The following KAT2B variants were observed in gnomAD, a reference collection of about 807,000 sequenced individuals.
KAT2B encodes the protein lysine acetyltransferase 2B.
Under a neutral mutation model 105.9 loss-of-function variants are expected in KAT2B, and 36 were observed. That is an observed-to-expected ratio of 0.34 (90% CI 0.26 to 0.45). The LOEUF is 0.45. KAT2B is among the 20% of genes least tolerant of loss of function. KAT2B has a pLI of 1.00. For synonymous variants in KAT2B, 397 were observed against 377.9 expected (o/e 1.05, Z -0.59); for missense variants, 820 against 1,021.6 (o/e 0.80, Z 2.69).
chr3:20,120,205 G>C (rs1206519760), intron 8 of KAT2B, among the ~76,000 whole-genome samples: 2 of 150,276 alleles, frequency 1.3e-5, no homozygotes, highest in Non-Finnish European at 3.0e-5. Context: ...CATCACTTCT[G>C]CCACATTCTT....
intron 1 of KAT2B, among the ~76,000 whole-genome samples, chr3:20,062,404 T>A (rs1559514684): frequency 1.1e-5 from 1 of 91,606 alleles, no homozygotes; most frequent in African/African-American, 4.6e-5. Flanking sequence ...AAATTATATA[T>A]TATATATTAT....
chr3:20,112,913 G>T (rs1699146203), intron 6 of KAT2B, among the ~76,000 whole-genome samples: 1 of 152,186 alleles, frequency 6.6e-6, no homozygotes, highest in South Asian at 2.1e-4. Context: ...ATGGTTTTCT[G>T]ACAGAAATTG....
chr3:20,083,793 A>G (rs930087979), intron 2 of KAT2B, among the ~76,000 whole-genome samples: 3 of 152,166 alleles, frequency 2.0e-5, no homozygotes, highest in Non-Finnish European at 4.4e-5. Context: ...GGTAAAGGAC[A>G]CTAAAGGAAT....
chr3:20,147,924 A>C, intron 14 of KAT2B, 39 bp from the exon 15 acceptor site: 1 of 1,600,254 alleles, frequency 6.2e-7, no homozygotes, highest in Non-Finnish European at 8.5e-7. Context: ...CTTGACCAAA[A>C]GCACTTCTCA....
At chr3:20,130,134 C>T (rs1028151239) in intron 11 of KAT2B, among the ~76,000 whole-genome samples, 6 of 152,098 alleles carry the variant, frequency 3.9e-5, no homozygotes, top group African/African-American at 4.8e-5. Context: ...TGAGCCACCA[C>T]GCCCGGCCTC....
rs766616087 is a variant in KAT2B, at chr3:20,153,318, G to C, written c.*793G>C. The C allele has an allele frequency of 1.1e-4, 16 of 152,104 alleles. No individual in the cohort carries two copies. The highest frequency in any genetic ancestry group is 1.8e-4 in the Non-Finnish European group (12 of 67,966). 9.4% of individuals were successfully genotyped at this position (152,104 alleles called of 1,614,324 possible). ...AAAAGATAATTTCCCTGCCCACAAA[G>C]GCATAAACTTGAAAACACATGAGAT... On this transcript the variant is annotated 3_prime_UTR_variant, in exon 18 of 18. Transcript: ENST00000263754.
chr3:20,126,706 C>T (rs1272275098), intron 10 of KAT2B, among the ~76,000 whole-genome samples: 1 of 151,118 alleles, frequency 6.6e-6, no homozygotes, highest in Non-Finnish European at 1.5e-5. Context: ...CCTGTAATCA[C>T]GGCTACTTGG....
intron 3 of KAT2B, among the ~76,000 whole-genome samples, chr3:20,097,240 G>A (rs71316248): frequency 0.11 from 16,797 of 152,248 alleles, 1,177 homozygotes; most frequent in Admixed American, 0.16. Flanking sequence ...TGTTGGAAGT[G>A]AAGGTGGTGT....
chr3:20,151,337 C>T (rs1387885448), intron 17 of KAT2B, among the ~76,000 whole-genome samples: 3 of 152,160 alleles, frequency 2.0e-5, no homozygotes, highest in Admixed American at 2.0e-4. Flanking sequence ...CGTACATTTA[C>T]TTACCTTATT....
intron 2 of KAT2B, among the ~76,000 whole-genome samples, chr3:20,076,725 A>G (rs901727829): frequency 6.6e-6 from 1 of 152,160 alleles, no homozygotes; most frequent in Non-Finnish European, 1.5e-5. Flanking sequence ...TATCTTATTC[A>G]TGCAGATATC....
chr3:20,131,816 G>T (rs552653308), intron 11 of KAT2B, among the ~76,000 whole-genome samples: 2 of 152,146 alleles, frequency 1.3e-5, no homozygotes, highest in Admixed American at 1.3e-4. Context: ...CTCCCTCCTT[G>T]GCCCCCCAAA....
intron 1 of KAT2B, among the ~76,000 whole-genome samples, chr3:20,062,254 A>AAT (rs368794227): frequency 0.52 from 31,541 of 60,892 alleles, 8,487 homozygotes; most frequent in East Asian, 0.59. Flanking sequence ...TAATATATAA[A>AAT]ATATGATATA....
chr3:20,136,912 G>A (rs778693926), intron 11 of KAT2B, 30 bp from the exon 12 acceptor site: 1 of 1,208,392 alleles, frequency 8.3e-7, no homozygotes, highest in Non-Finnish European at 1.2e-6. Context: ...CCAGTCTAAT[G>A]TATTTGTTTG....
At chr3:20,124,745 G>C (rs1477325507) in intron 9 of KAT2B, among the ~76,000 whole-genome samples, 1 of 152,208 alleles carries the variant, frequency 6.6e-6, no homozygotes, top group Non-Finnish European at 1.5e-5. Flanking sequence ...ATTTTCAGGA[G>C]TTTTGTGAGC....
At chr3:20,064,122 T>C (rs1698185907) in intron 1 of KAT2B, among the ~76,000 whole-genome samples, 1 of 152,198 alleles carries the variant, frequency 6.6e-6, no homozygotes, top group Admixed American at 6.5e-5. Context: ...CCTTGTTACA[T>C]CCCACAAACA....
At chr3:20,090,127 T>G (rs1285932521) in intron 2 of KAT2B, among the ~76,000 whole-genome samples, 2 of 152,252 alleles carry the variant, frequency 1.3e-5, no homozygotes, top group African/African-American at 4.8e-5. Context: ...GTTTTCTGTT[T>G]ATAAAATTAT....
chr3:20,127,431 A>C lies in KAT2B; in HGVS notation c.1631A>C (p.Lys544Thr). The change falls in exon 11 of 18, where the codon AAA (lysine) becomes ACA (threonine). Residue 544 changes from lysine to threonine, a missense_variant. This residue lies in a region of KAT2B where 225 missense variants were observed against 268.1 expected (regional missense o/e 0.84). Transcript: ENST00000263754. Reference protein sequence around the residue: ...ITRLVFDPKHKTLALIKDGRV... With the variant: ...ITRLVFDPKHTTLALIKDGRV... ...TAATCTTATTCTTTCAGGAAACACA[A>C]AACCCTTGCTTTAATTAAAGATGGC... 1 of 1,612,904 alleles carries C rather than the reference A, an allele frequency of 6.2e-7. No individual in the cohort carries two copies. Among genetic ancestry groups the C allele is most frequent in the Non-Finnish European group, 8.5e-7 (1 of 1,178,902 alleles).
chr3:20,091,429 C>G (rs555262174), intron 2 of KAT2B, among the ~76,000 whole-genome samples: 2 of 151,548 alleles, frequency 1.3e-5, no homozygotes, highest in African/African-American at 4.8e-5. Flanking sequence ...TTTTTTTTAT[C>G]TTTTCAAAGA....
chr3:20,097,936 AT>A (rs1698839900), intron 3 of KAT2B, among the ~76,000 whole-genome samples: 2 of 152,062 alleles, frequency 1.3e-5, no homozygotes, highest in South Asian at 4.2e-4. Flanking sequence ...GAATTAAAAA[AT>A]TTCAGTCTTA....
Sources: allele counts gnomAD v4.1 joint callset (sites outside exome capture counted in the v4.1 genomes callset), GRCh38; gene constraint gnomAD v4.1.1; regional missense constraint gnomAD v4.1.1; transcripts MANE v1.5; gene names NCBI Gene and HGNC (gene_info 2026-07-23, HGNC 2026-07-21).